Variants in SULT4A1 observed in about 807,000 individuals in gnomAD.
The protein encoded by SULT4A1 is sulfotransferase 4A1.
Under a neutral mutation model 35.2 loss-of-function variants are expected in SULT4A1, and 11 were observed. The ratio of observed to expected loss-of-function variants is 0.31; its 90% CI spans 0.20 to 0.52. The LOEUF (loss-of-function observed/expected upper bound fraction) is 0.52. SULT4A1 is among the 20% of genes least tolerant of loss of function. The pLI, the probability that SULT4A1 is intolerant of heterozygous loss-of-function variation, is 0.97. For synonymous variants in SULT4A1, 152 were observed against 151.8 expected (o/e 1.00, Z -0.01); for missense variants, 271 against 383.7 (o/e 0.71, Z 2.45).
intron 2 of SULT4A1, among the ~76,000 whole-genome samples, chr22:43,841,021 C>T (rs2063423005): frequency 1.3e-5 from 2 of 152,246 alleles, no homozygotes; most frequent in African/African-American, 4.8e-5. Context: ...GCTGAAAGGC[C>T]GGGCCTGATG....
chr22:43,854,070 T>C (rs2049374637), intron 1 of SULT4A1, among the ~76,000 whole-genome samples: 1 of 152,212 alleles, frequency 6.6e-6, no homozygotes. Context: ...TCTCAAGACA[T>C]CAGTGGTGGT....
Position 43,833,741 on chromosome 22 carries a change from A to G in SULT4A1, c.509-7T>C. ...AACCAGGAGCCGTAGCCCACTGCGGAGACAGGGGACAGGGTGAGCCACACG... is the reference window on the plus strand; with the variant it reads ...AACCAGGAGCCGTAGCCCACTGCGGGGACAGGGGACAGGGTGAGCCACACG... On this transcript the variant is annotated splice_region_variant and splice_polypyrimidine_tract_variant and intron_variant, in intron 4 of 6. Transcript: ENST00000330884. 2 of 1,563,498 alleles carry G rather than the reference A, an allele frequency of 1.3e-6. No homozygotes were observed. Among genetic ancestry groups the G allele is most frequent in the Non-Finnish European group, 1.7e-6 (2 of 1,153,346 alleles).
Position 43,839,799 on chromosome 22 carries a change from C to T in SULT4A1, c.381+146G>A, listed in dbSNP as rs2063409599. 5 of 773,212 alleles carry T rather than the reference C, an allele frequency of 6.5e-6. No individual in the cohort carries two copies. In the South Asian group the frequency reaches 7.7e-5, roughly 12 times the overall value. The allele number at this position is 773,212 out of a possible 1,614,324, so 47.9% of individuals were successfully genotyped here. A position where few individuals can be genotyped will look rare whatever the true frequency, so the allele number is the denominator to read the frequency against. On this transcript the variant is annotated intron_variant, in intron 3 of 6. Transcript: ENST00000330884. ...AGAGACGCATGACCCAAGACCACCT[C>T]AGAAGGGATCTTCACGTGTGGGCTC...
intron 5 of SULT4A1, among the ~76,000 whole-genome samples, chr22:43,832,322 G>A (rs560476521): frequency 5.9e-5 from 9 of 152,264 alleles, no homozygotes; most frequent in South Asian, 2.1e-4. Context: ...ACCTTAGACC[G>A]CCACATGACC....
In SULT4A1 at chr22:43,862,459, G is replaced by GCCTGCA. The variant is rs1569505696; in HGVS notation, c.-78_-77insTGCAGG. ...CGCCCGCGCCCGCGCCCGCGCCCGCGCCCCGCACACGCTCGCGCCCCACCG... is the reference window on the plus strand; with the variant it reads ...CGCCCGCGCCCGCGCCCGCGCCCGCGCCTGCACCCCGCACACGCTCGCGCCCCACCG... On this transcript the variant is annotated 5_prime_UTR_variant, in exon 1 of 7. Transcript: ENST00000330884. The GCCTGCA allele has an allele frequency of 1.2e-6, 1 of 829,182 alleles. No homozygotes were observed. Among genetic ancestry groups the GCCTGCA allele is most frequent in the East Asian group, 1.3e-4 (1 of 7,578 alleles). The allele number at this position is 829,182 out of a possible 1,614,324, so 51.4% of individuals were successfully genotyped here. A position where few individuals can be genotyped will look rare whatever the true frequency, so the allele number is the denominator to read the frequency against.
chr22:43,859,554 C>T (rs186412450), intron 1 of SULT4A1, among the ~76,000 whole-genome samples: 41 of 152,368 alleles, frequency 2.7e-4, no homozygotes, highest in African/African-American at 9.9e-4. Flanking sequence ...CAAACCAACA[C>T]ACAGGGACAA....
chr22:43,850,210 A>C (rs1248887780), intron 1 of SULT4A1, among the ~76,000 whole-genome samples: 2 of 152,186 alleles, frequency 1.3e-5, no homozygotes, highest in African/African-American at 4.8e-5. Flanking sequence ...TTTTACCCTC[A>C]AATTTCCAAA....
chr22:43,841,478 C>A (rs2063428151), intron 2 of SULT4A1, among the ~76,000 whole-genome samples: 1 of 152,140 alleles, frequency 6.6e-6, no homozygotes, highest in Non-Finnish European at 1.5e-5. Flanking sequence ...ACATCCTACC[C>A]AGCTCCCTCA....
chr22:43,857,370 CAAAAAAAAAAA>C (rs60746917), intron 1 of SULT4A1, among the ~76,000 whole-genome samples: 3 of 93,790 alleles, frequency 3.2e-5, no homozygotes, highest in African/African-American at 8.0e-5. Context: ...GATCCTGTCT[CAAAAAAAAAAA>C]AAAAAAAAAA....
At position 43,833,642 on chromosome 22, in the gene SULT4A1, G is replaced by A. The variant is rs752151481; in HGVS notation, c.601C>T (p.Arg201Trp). The change falls in exon 5 of 7, where the codon CGG becomes TGG. Residue 201 changes from arginine to tryptophan, a missense_variant and splice_region_variant. This residue lies in a region of SULT4A1 where 75 missense variants were observed against 67.7 expected (regional missense o/e 1.11). Transcript: ENST00000330884. ...ACAGCTGCTCCGGCAGCACTCACCCGATGCATGTCTTCATACTTGAGAAAA... is the reference window on the plus strand; with the variant it reads ...ACAGCTGCTCCGGCAGCACTCACCCAATGCATGTCTTCATACTTGAGAAAA... ...VLFLKYEDMH[R>W]DLVTMVEQLA... 4.4e-6 allele frequency: 7 copies of A among 1,594,080 alleles called. No homozygotes were observed. Among genetic ancestry groups the A allele is most frequent in the Non-Finnish European group, 6.0e-6 (7 of 1,170,022 alleles).
chr22:43,843,311 A>G (rs113225827), intron 1 of SULT4A1, among the ~76,000 whole-genome samples: 3,059 of 152,278 alleles, frequency 0.02, 46 homozygotes, highest in Non-Finnish European at 0.028. Context: ...AGTGCCAGCT[A>G]CTCAAGAGGC....
Position 43,829,175 on chromosome 22 carries a change from C to A in SULT4A1, c.627G>T (p.Gln209His), listed in dbSNP as rs767434628. The A allele has an allele frequency of 6.4e-7, 1 of 1,566,092 alleles. No individual in the cohort carries two copies. Residue 209 changes from glutamine (Q) to histidine (H), a missense_variant, in exon 6 of 7, where the codon CAG becomes CAT. Coordinates refer to ENST00000330884, the MANE Select transcript of SULT4A1 (RefSeq NM_014351.4). ...MHRDLVTMVE[Q>H]LARFLGVSCD... ...AGGACACCCCCAGGAATCTGGCCAG[C>A]TGCTCCACCATCGTCACCAGGTCCT...
At chr22:43,844,224 C>T (rs1569504074) in intron 1 of SULT4A1, among the ~76,000 whole-genome samples, 1 of 152,214 alleles carries the variant, frequency 6.6e-6, no homozygotes, top group Non-Finnish European at 1.5e-5. Flanking sequence ...GACAAATCAC[C>T]TCCGCCCGCC....
At position 43,862,384 on chromosome 22, in the gene SULT4A1, CCGCCGCCGTCGCCGT is replaced by C. The variant is rs750998124; in HGVS notation, c.-17_-3del. 519 of 1,316,588 alleles carry C rather than the reference CCGCCGCCGTCGCCGT, an allele frequency of 3.9e-4. 5 individuals are homozygous for C. Among genetic ancestry groups the C allele is most frequent in the Admixed American group, 7.9e-4 (31 of 39,310 alleles). The allele number at this position is 1,316,588 out of a possible 1,614,324, so 81.6% of individuals were successfully genotyped here. A position where few individuals can be genotyped will look rare whatever the true frequency, so the allele number is the denominator to read the frequency against. ...GGTCTCGGCCTCGCTCTCCGCCATGCCGCCGCCGTCGCCGTCGCCGCCGCCGCCTCCCGGCTCGCA... is the reference window on the plus strand; with the variant it reads ...GGTCTCGGCCTCGCTCTCCGCCATGCCGCCGCCGCCGCCTCCCGGCTCGCA... On this transcript the variant is annotated 5_prime_UTR_variant, in exon 1 of 7. Coordinates refer to ENST00000330884, the MANE Select transcript of SULT4A1 (RefSeq NM_014351.4).
At chr22:43,858,197 A>G (rs576392544) in intron 1 of SULT4A1, among the ~76,000 whole-genome samples, 3 of 151,904 alleles carry the variant, frequency 2.0e-5, no homozygotes, top group Non-Finnish European at 4.4e-5. Flanking sequence ...GCTCACACCC[A>G]TAATCCCAGG....
intron 1 of SULT4A1, among the ~76,000 whole-genome samples, chr22:43,861,598 G>A (rs756832513): frequency 4.6e-5 from 7 of 152,212 alleles, no homozygotes; most frequent in Admixed American, 3.9e-4. Context: ...TGAAAGTGAC[G>A]TCAGCTAATG....
At chr22:43,846,969 TC>T (rs1211376733) in intron 1 of SULT4A1, among the ~76,000 whole-genome samples, 14 of 152,192 alleles carry the variant, frequency 9.2e-5, no homozygotes, top group African/African-American at 3.1e-4. Context: ...TACATCAATA[TC>T]GGCCACTTCA....
intron 6 of SULT4A1, chr22:43,827,638 G>A (rs770665877): frequency 2.2e-6 from 3 of 1,366,326 alleles, no homozygotes; most frequent in South Asian, 1.1e-5. Flanking sequence ...AAGACGCAAT[G>A]TGCTAAAAGA....
At chr22:43,828,963 G>A in intron 6 of SULT4A1, 97 bp downstream of exon 6, 1 of 1,334,760 alleles carries the variant, frequency 7.5e-7, no homozygotes, top group Non-Finnish European at 1.0e-6. Context: ...AGAGCAGGGA[G>A]GGCAACAGGG....
Sources: gnomAD v4.1 joint callset for allele counts (sites outside exome capture counted in the v4.1 genomes callset) on GRCh38, gnomAD v4.1.1 for gene constraint, gnomAD v4.1.1 regional missense constraint, MANE v1.5 for transcripts, NCBI Gene and HGNC (gene_info 2026-07-23, HGNC 2026-07-21) for gene names.